NEB: variants seen among roughly 807,000 people sequenced by gnomAD.
The protein encoded by NEB is nemaline myopathy type 2.
In NEB, 512 loss-of-function variants were observed where a neutral mutation model predicts 952.2. The ratio of observed to expected loss-of-function variants is 0.54; its 90% CI spans 0.50 to 0.58. The LOEUF is 0.58. NEB is among the 20% of genes least tolerant of loss of function. The pLI, the probability that NEB is intolerant of heterozygous loss-of-function variation, is 0.00. For missense variants in NEB, 8,428 were observed against 9,231.1 expected (o/e 0.91, Z 3.56); for synonymous variants, 2,900 against 3,149.8 (o/e 0.92, Z 2.66).
Position 151,612,265 on chromosome 2 carries a change from G to T in NEB, c.11726C>A (p.Ala3909Glu), listed in dbSNP as rs776819886. The change falls in exon 78 of 182, where the codon GCA becomes GAA. Residue 3909 changes from alanine to glutamate, a missense_variant. Ala to Glu is a moderately radical substitution (Grantham distance 107). This residue lies in a region of NEB where 337 missense variants were observed against 297.5 expected (regional missense o/e 1.13). Coordinates refer to ENST00000397345, the MANE Select transcript of NEB (RefSeq NM_001164508.2). ...AATGCATGTGAATTTGAGCTGGTCTGCAGGCTGGCGATACTTCCTGTCACT... is the reference window on the plus strand; with the variant it reads ...AATGCATGTGAATTTGAGCTGGTCTTCAGGCTGGCGATACTTCCTGTCACT... Reference protein sequence around the residue: ...ILSDRKYRQPADQLKFTCITD... With the variant: ...ILSDRKYRQPEDQLKFTCITD... 5 of 1,613,856 alleles carry T rather than the reference G, an allele frequency of 3.1e-6. No individual in the cohort carries two copies. Among genetic ancestry groups the T allele is most frequent in the Non-Finnish European group, 1.7e-6 (2 of 1,179,818 alleles).
intron 72 of NEB, among the ~76,000 whole-genome samples, 176 bp from the exon 73 acceptor site, chr2:151,619,938 C>A (rs768338201): frequency 4.1e-4 from 62 of 152,100 alleles, no homozygotes; most frequent in East Asian, 7.7e-4. Flanking sequence ...CACAGAATAA[C>A]CCCACAATGG....
At chr2:151,685,015 G>A (rs996324577) in intron 27 of NEB, 40 bp from the exon 28 acceptor site, 33 of 1,495,960 alleles carry the variant, frequency 2.2e-5, no homozygotes, top group South Asian at 2.2e-4. Flanking sequence ...ACAAATCCTC[G>A]ATGGATTTCC....
At chr2:151,727,934 T>A (rs777139737) in intron 4 of NEB, 28 bp from the exon 5 acceptor site, 22 of 1,575,120 alleles carry the variant, frequency 1.4e-5, no homozygotes, top group Non-Finnish European at 1.9e-5. Flanking sequence ...AGTTCAACAT[T>A]GTTGTGAAAG....
intron 51 of NEB, among the ~76,000 whole-genome samples, chr2:151,654,642 C>T (rs1018369316): frequency 2.0e-5 from 3 of 152,144 alleles, no homozygotes; most frequent in Admixed American, 2.0e-4. Flanking sequence ...CCAGTACTTT[C>T]CATGGGCCAG....
chr2:151,698,277 AG>A (rs1463070497), intron 13 of NEB, among the ~76,000 whole-genome samples: 1 of 152,202 alleles, frequency 6.6e-6, no homozygotes, highest in African/African-American at 2.4e-5. Context: ...ACCAATTTAA[AG>A]TATACAATTC....
At chr2:151,542,296 A>G (rs1422098051) in intron 135 of NEB, among the ~76,000 whole-genome samples, 1 of 152,158 alleles carries the variant, frequency 6.6e-6, no homozygotes, top group African/African-American at 2.4e-5. Flanking sequence ...TTCACCCAGT[A>G]CATTCTCCCG....
In NEB at chr2:151,616,027, T is replaced by G. The variant is rs906086225; in HGVS notation, c.11264A>C (p.Lys3755Thr). ...ATCACTAGCAATATCTCTTGAAGCC[T>G]TGGCTGCTTGGATTGGAATGGCATC... The part of the protein sequence containing the change: ...RLDAIPIQAA[K>T]ASRDIASDYK... The change falls in exon 76 of 182, where the codon AAG becomes ACG. Residue 3755 changes from lysine to threonine, a missense_variant. This residue lies in a region of NEB where 1,772 missense variants were observed against 1,960.3 expected (regional missense o/e 0.90). Transcript: ENST00000397345. The G allele has an allele frequency of 6.2e-7, 1 of 1,612,948 alleles. No homozygotes were observed. Among genetic ancestry groups the G allele is most frequent in the Non-Finnish European group, 8.5e-7 (1 of 1,179,486 alleles).
intron 68 of NEB, among the ~76,000 whole-genome samples, chr2:151,629,168 C>G (rs1388034106): frequency 6.6e-6 from 1 of 152,032 alleles, no homozygotes. Context: ...GATATTGAAC[C>G]AATACATGTA....
rs2150800053 is a variant in NEB at position 151,725,551 on chromosome 2, T to C, written c.304A>G (p.Lys102Glu). 6.2e-7 allele frequency: 1 copy of C among 1,613,168 alleles called. No homozygotes were observed. The highest frequency in any genetic ancestry group is 1.3e-5 in the African/African-American group (1 of 74,988). ...MQDLFSPNKY[K>E]EKFEKTKGQP... ...CCTTTTGTTTTCTCAAACTTCTCCT[T>C]GTATTTATTCTGAAAAGAATATCAG... The change falls in exon 6 of 182, where the codon AAG becomes GAG. Residue 102 changes from lysine to glutamate, a missense_variant. By Grantham distance (56) the Lys-to-Glu change is moderately conservative (BLOSUM62 1). This residue lies in a region of NEB where 2,851 missense variants were observed against 2,791.5 expected (regional missense o/e 1.02). Transcript: ENST00000397345.
At chr2:151,682,916 G>C in intron 28 of NEB, 147 bp from the exon 29 acceptor site, 1 of 658,824 alleles carries the variant, frequency 1.5e-6, no homozygotes, top group African/African-American at 1.9e-5. Context: ...TATTTCTTTG[G>C]TGAGATATAG....
At chr2:151,548,109 G>A (rs758649030) in intron 131 of NEB, among the ~76,000 whole-genome samples, 199 bp downstream of exon 131, 79 of 152,256 alleles carry the variant, frequency 5.2e-4, no homozygotes, top group Middle Eastern at 3.4e-3. Context: ...CTATGGAACC[G>A]AGTCTCTCCA....
At chr2:151,548,064 G>T (rs955475082) in intron 131 of NEB, among the ~76,000 whole-genome samples, 4 of 152,110 alleles carry the variant, frequency 2.6e-5, no homozygotes, top group Non-Finnish European at 5.9e-5. Flanking sequence ...GTCAAAAGAA[G>T]AAATTATTTC....
intron 105 of NEB, among the ~76,000 whole-genome samples, chr2:151,577,717 T>G (rs1163452580): frequency 6.6e-6 from 1 of 152,162 alleles, no homozygotes; most frequent in Non-Finnish European, 1.5e-5. Context: ...TAGCTGGGAT[T>G]ACAGGCACAT....
At chr2:151,665,218 C>T (rs746304150) in intron 42 of NEB, 115 bp downstream of exon 42, 4 of 974,006 alleles carry the variant, frequency 4.1e-6, no homozygotes, top group Non-Finnish European at 6.2e-6. Flanking sequence ...CCTCCCACCA[C>T]CGGCACGAAG....
chr2:151,525,604 G>A (rs1162496090), intron 150 of NEB, among the ~76,000 whole-genome samples: 3 of 152,214 alleles, frequency 2.0e-5, no homozygotes, highest in African/African-American at 7.2e-5. Context: ...AGCAGGCAGA[G>A]ATTACTGAGG....
chr2:151,567,029 A>T, intron 114 of NEB, 139 bp downstream of exon 114: 1 of 728,384 alleles, frequency 1.4e-6, no homozygotes, highest in East Asian at 2.6e-5. Flanking sequence ...CTTTCTTCAT[A>T]TCCAGCCTCA....
At position 151,652,480 on chromosome 2, in the gene NEB, C is replaced by T. The variant is rs116658949; in HGVS notation, c.6915+1512G>A. On this transcript the variant is annotated intron_variant, in intron 52 of 181. Coordinates refer to ENST00000397345, the MANE Select transcript of NEB (RefSeq NM_001164508.2). ...CTTCAAATCATCTTCCTGCCTTGGC[C>T]TCCCAAAGTGCTGAGATTATGGGAC... Among the ~76,000 whole-genome samples the T allele has an allele frequency of 5.5e-3, 830 of 152,232 alleles. 14 individuals are homozygous for T. The highest frequency in any genetic ancestry group is 0.019 in the African/African-American group (792 of 41,544).
Position 151,485,918 on chromosome 2 carries a change from T to C in NEB, c.25420A>G (p.Met8474Val). ...PSTAGKIFRAMYDYMAADADE... is the reference protein window; with the variant it reads ...PSTAGKIFRAVYDYMAADADE... ...GCATCAGCAGCCATATAGTCATACA[T>C]GGCACGGAAGATTTTCTATTCGTGG... Residue 8474 changes from methionine (M) to valine (V), a missense_variant, in exon 182 of 182, where the codon ATG becomes GTG. This residue lies in a region of NEB where 3,374 missense variants were observed against 3,651.5 expected (regional missense o/e 0.92). Coordinates refer to ENST00000397345, the MANE Select transcript of NEB (RefSeq NM_001164508.2). 1 of 1,613,878 alleles carries C rather than the reference T, an allele frequency of 6.2e-7. No homozygotes were observed. The highest frequency in any genetic ancestry group is 8.5e-7 in the Non-Finnish European group (1 of 1,179,846).
intron 153 of NEB, among the ~76,000 whole-genome samples, chr2:151,522,752 A>G (rs1166191501): frequency 1.3e-5 from 2 of 152,210 alleles, no homozygotes; most frequent in East Asian, 1.9e-4. Flanking sequence ...TGATGTGTAC[A>G]TTAATTTTCT....
Sources: gnomAD v4.1 joint callset for allele counts (sites outside exome capture counted in the v4.1 genomes callset) on GRCh38, gnomAD v4.1.1 for gene constraint, gnomAD v4.1.1 regional missense constraint, MANE v1.5 for transcripts, NCBI Gene and HGNC (gene_info 2026-07-23, HGNC 2026-07-21) for gene names.